Variants in KANSL1 observed in about 807,000 individuals in gnomAD.
KANSL1 encodes the protein MLL1/MLL complex subunit KANSL1.
Under a neutral mutation model 103.6 loss-of-function variants are expected in KANSL1, and 22 were observed. That is an observed-to-expected ratio of 0.21 (90% CI 0.15 to 0.30). The LOEUF (loss-of-function observed/expected upper bound fraction) is 0.30, where lower values mean the gene tolerates loss of function less well. Ranked by LOEUF, KANSL1 falls within the 10% of genes least tolerant of loss-of-function variation. KANSL1 has a pLI of 1.00. For missense variants in KANSL1, 1,337 were observed against 1,399.8 expected, an observed-to-expected ratio of 0.96 and a Z score of 0.72; for synonymous variants, 600 against 527.6, an observed-to-expected ratio of 1.14 and a Z score of -1.88.
upstream of KANSL1, among the ~76,000 whole-genome samples, chr17:46,198,409 G>C (rs2094550871): frequency 1.5e-5 from 2 of 132,354 alleles, no homozygotes; most frequent in Admixed American, 8.8e-5. Context: ...TTAGGACTTG[G>C]ACCTACTTTA....
chr17:46,105,887 A>C (rs2147059908), intron 2 of KANSL1, among the ~76,000 whole-genome samples: 1 of 119,514 alleles, frequency 8.4e-6, no homozygotes, highest in Non-Finnish European at 2.0e-5. Context: ...ACACACACAC[A>C]CACACAGAGC....
intron 13 of KANSL1, 51 bp downstream of exon 13, chr17:46,033,029 C>T: frequency 7.0e-7 from 1 of 1,430,068 alleles, no homozygotes; most frequent in South Asian, 1.3e-5. Context: ...GCCCAAACTC[C>T]CTGTCCACCC....
chr17:46,130,600 C>T (rs2043818625), intron 2 of KANSL1, among the ~76,000 whole-genome samples: 1 of 152,212 alleles, frequency 6.6e-6, no homozygotes, highest in Non-Finnish European at 1.5e-5. Flanking sequence ...CCACCACATT[C>T]CTTCCCAAGG....
intron 3 of KANSL1, among the ~76,000 whole-genome samples, chr17:46,091,076 C>T (rs1056019694): frequency 2.6e-5 from 4 of 152,280 alleles, no homozygotes; most frequent in South Asian, 2.1e-4. Flanking sequence ...ATGAAAGCTC[C>T]GTGTGTGTTG....
intron 4 of KANSL1, among the ~76,000 whole-genome samples, chr17:46,075,991 C>G (rs1311796517): frequency 6.6e-6 from 1 of 152,188 alleles, no homozygotes; most frequent in Admixed American, 6.5e-5. Flanking sequence ...AAGAAGCACT[C>G]AAGAAAAGAT....
At chr17:46,033,332 G>T in intron 12 of KANSL1, 71 bp downstream of exon 12, 1 of 1,507,014 alleles carries the variant, frequency 6.6e-7, no homozygotes, top group Non-Finnish European at 9.2e-7. Context: ...GGCCATTTAG[G>T]GTGTGTGCAC....
chr17:46,172,521 T>C (rs1439248824), intron 1 of KANSL1, among the ~76,000 whole-genome samples: 1 of 152,142 alleles, frequency 6.6e-6, no homozygotes, highest in Non-Finnish European at 1.5e-5. Context: ...AAATCACAGA[T>C]TGTTAAAATT....
At chr17:46,060,677 T>G in intron 6 of KANSL1, among the ~76,000 whole-genome samples, 1 of 152,240 alleles carries the variant, frequency 6.6e-6, no homozygotes, top group Admixed American at 6.5e-5. Context: ...TGACTCATAT[T>G]CTAGTTCATT....
intron 6 of KANSL1, among the ~76,000 whole-genome samples, chr17:46,059,291 G>T (rs1325795661): frequency 6.6e-6 from 1 of 152,014 alleles, no homozygotes; most frequent in African/African-American, 2.4e-5. Context: ...TGGCAGTCTC[G>T]TGAGGAGACT....
chr17:46,033,496 AGCAGG>A, intron 11 of KANSL1, 36 bp from the exon 12 acceptor site: 4 of 1,595,730 alleles, frequency 2.5e-6, no homozygotes, highest in Non-Finnish European at 3.4e-6. Context: ...TGAGATGGCA[AGCAGG>A]CTAAAACTGG....
intron 2 of KANSL1, among the ~76,000 whole-genome samples, chr17:46,139,451 A>T (rs75931675): frequency 0.12 from 17,303 of 150,422 alleles, no homozygotes; most frequent in Non-Finnish European, 0.17. Context: ...TTTCTCCACC[A>T]GATTTCCTCC....
chr17:46,220,498 G>C (rs1277018112), intron 1 of KANSL1, among the ~76,000 whole-genome samples: 1 of 152,200 alleles, frequency 6.6e-6, no homozygotes, highest in Non-Finnish European at 1.5e-5. Context: ...TTACAGGCGT[G>C]AGCCACTGCG....
intron 6 of KANSL1, among the ~76,000 whole-genome samples, 186 bp from the exon 7 acceptor site, chr17:46,050,890 A>G (rs1361087773): frequency 6.6e-6 from 1 of 152,258 alleles, no homozygotes; most frequent in East Asian, 1.9e-4. Context: ...CCATTTGTCT[A>G]ACACACTGAC....
chr17:46,078,557 T>C (rs1450403743), intron 4 of KANSL1, among the ~76,000 whole-genome samples: 3 of 147,272 alleles, frequency 2.0e-5, no homozygotes, highest in East Asian at 3.9e-4. Context: ...CCTCTGATAA[T>C]ATACAAACAA....
intron 2 of KANSL1, among the ~76,000 whole-genome samples, chr17:46,141,015 T>C (rs1317721049): frequency 6.6e-6 from 1 of 151,708 alleles, no homozygotes; most frequent in East Asian, 1.9e-4. Context: ...TGAGGATGCA[T>C]AAAGGATCAG....
intron 2 of KANSL1, among the ~76,000 whole-genome samples, chr17:46,127,004 TAATTTAC>T (rs2043595185): frequency 2.6e-5 from 4 of 152,206 alleles, no homozygotes; most frequent in Admixed American, 2.0e-4. Context: ...ATTCAACAGG[TAATTTAC>T]AACTGGCTCT....
chr17:46,216,259 C>T (rs1231073533), intron 1 of KANSL1, among the ~76,000 whole-genome samples: 1 of 152,058 alleles, frequency 6.6e-6, no homozygotes, highest in Admixed American at 6.6e-5. Flanking sequence ...GAAGAAGGGT[C>T]AAGGGAAGGC....
At chr17:46,043,871 C>G (rs1202721267) in intron 7 of KANSL1, 1 of 151,972 alleles carries the variant, frequency 6.6e-6, no homozygotes, top group Non-Finnish European at 1.5e-5. Context: ...CCTCTTTAAA[C>G]CCAGTATAAA....
At chr17:46,161,870 C>T (rs1261277315) in intron 2 of KANSL1, among the ~76,000 whole-genome samples, 2 of 152,120 alleles carry the variant, frequency 1.3e-5, no homozygotes, top group African/African-American at 2.4e-5. Flanking sequence ...CTAGAGCAAA[C>T]CACAACATTC....
Sources: gnomAD v4.1 joint callset for allele counts (sites outside exome capture counted in the v4.1 genomes callset) on GRCh38, gnomAD v4.1.1 for gene constraint, MANE v1.5 for transcripts, NCBI Gene and HGNC (gene_info 2026-07-23, HGNC 2026-07-21) for gene names.